The following PCNX1 variants were observed in gnomAD, a reference collection of about 807,000 sequenced individuals.
PCNX1 encodes pecanex 1.
PCNX1 carries 78 observed loss-of-function variants against 242.2 expected under a neutral mutation model. The observed-to-expected ratio is 0.32, with a 90% CI of 0.27 to 0.39. PCNX1 has a LOEUF of 0.39. Among genes scored for constraint, PCNX1 ranks in the 10% least tolerant of loss-of-function variants. The probability of loss-of-function intolerance (pLI) is 1.00; values close to 1 mark genes in which losing one functional copy is unlikely to be tolerated. For synonymous variants in PCNX1, 1,024 were observed against 1,032.9 expected (o/e 0.99, Z 0.17); for missense variants, 2,581 against 2,856.5 (o/e 0.90, Z 2.20).
At chr14:70,986,471 C>T (rs1364415975) in intron 6 of PCNX1, among the ~76,000 whole-genome samples, 1 of 152,068 alleles carries the variant, frequency 6.6e-6, no homozygotes. Flanking sequence ...TCTTAAGAAA[C>T]CAAGAAACAT....
At chr14:70,933,679 G>A (rs552428402) in intron 1 of PCNX1, among the ~76,000 whole-genome samples, 13 of 152,266 alleles carry the variant, frequency 8.5e-5, no homozygotes, top group African/African-American at 3.1e-4. Flanking sequence ...GCTCTCTAAT[G>A]TCTAGTCTTG....
intron 16 of PCNX1, 49 bp from the exon 17 acceptor site, chr14:71,033,380 A>G (rs1178670305): frequency 3.3e-6 from 3 of 902,288 alleles, no homozygotes; most frequent in African/African-American, 3.3e-5. Context: ...ATTATGTGAT[A>G]TATTACAAAT....
At chr14:71,069,845 A>G (rs2061546596) in intron 26 of PCNX1, among the ~76,000 whole-genome samples, 1 of 152,202 alleles carries the variant, frequency 6.6e-6, no homozygotes, top group South Asian at 2.1e-4. Context: ...CAGCTTTGGC[A>G]AGATCTTAAA....
chr14:71,026,623 T>C (rs977428355), intron 14 of PCNX1, 149 bp from the exon 15 acceptor site: 5 of 454,184 alleles, frequency 1.1e-5, no homozygotes, highest in Non-Finnish European at 1.9e-5. Flanking sequence ...CAAGCAATTA[T>C]GTTGAGAGGT....
At chr14:71,077,430 C>T (rs2061745396) in intron 28 of PCNX1, among the ~76,000 whole-genome samples, 1 of 152,180 alleles carries the variant, frequency 6.6e-6, no homozygotes, top group Admixed American at 6.5e-5. Context: ...TCGTCATGGT[C>T]TAGGAGGTGC....
intron 1 of PCNX1, among the ~76,000 whole-genome samples, chr14:70,932,556 G>A (rs889234231): frequency 6.6e-6 from 1 of 151,754 alleles, no homozygotes; most frequent in South Asian, 2.1e-4. Flanking sequence ...ATGTCAAATA[G>A]TGACATGTCT....
chr14:71,089,865 AT>A (rs2062084410), intron 30 of PCNX1, among the ~76,000 whole-genome samples: 2 of 152,238 alleles, frequency 1.3e-5, no homozygotes, highest in Admixed American at 6.5e-5. Flanking sequence ...GACAAGATAT[AT>A]TAAATCTTTA....
chr14:71,016,994 AAAAC>A (rs1207670160), intron 11 of PCNX1, among the ~76,000 whole-genome samples: 1 of 152,194 alleles, frequency 6.6e-6, no homozygotes, highest in Non-Finnish European at 1.5e-5. Context: ...TGATCAGAAA[AAAAC>A]AAAAGAAGAG....
intron 12 of PCNX1, among the ~76,000 whole-genome samples, chr14:71,021,772 A>G (rs375248660): frequency 6.6e-6 from 1 of 151,940 alleles, no homozygotes; most frequent in Admixed American, 6.6e-5. Context: ...TTTGATCATG[A>G]CTTTATACCA....
intron 2 of PCNX1, among the ~76,000 whole-genome samples, chr14:70,947,661 C>G (rs760764781): frequency 1.6e-4 from 24 of 151,992 alleles, no homozygotes; most frequent in Non-Finnish European, 3.2e-4. Context: ...ATTGCGTTGT[C>G]TGTATAAATT....
Position 71,050,634 on chromosome 14 carries a change from A to T in PCNX1, c.4339-18A>T. 1.3e-6 allele frequency: 2 copies of T among 1,538,010 alleles called. No individual in the cohort carries two copies. The highest frequency in any genetic ancestry group is 1.2e-5 in the South Asian group (1 of 80,226). On this transcript the variant is annotated intron_variant, in intron 22 of 35. Transcript: ENST00000304743. ...AGTTTTTTTTTTTTTACTGACAGCC[A>T]TTCTTTTCCTCCTGCAGCTTTGGGA...
At chr14:70,968,071 T>C (rs1363309509) in intron 3 of PCNX1, 127 bp from the exon 4 acceptor site, 2 of 732,240 alleles carry the variant, frequency 2.7e-6, no homozygotes, top group Non-Finnish European at 4.7e-6. Flanking sequence ...TATCTTCTAA[T>C]ATTGATAAAA....
At chr14:70,979,574 CTTTA>C (rs1221458098) in intron 6 of PCNX1, among the ~76,000 whole-genome samples, 1 of 151,982 alleles carries the variant, frequency 6.6e-6, no homozygotes, top group East Asian at 1.9e-4. Flanking sequence ...CCCCTATTCC[CTTTA>C]TTTATGCTTG....
chr14:70,915,408 G>A (rs956663798), intron 1 of PCNX1, among the ~76,000 whole-genome samples: 3 of 152,098 alleles, frequency 2.0e-5, no homozygotes, highest in Non-Finnish European at 4.4e-5. Flanking sequence ...TACAGCCATT[G>A]GTAATTCCAT....
intron 1 of PCNX1, among the ~76,000 whole-genome samples, chr14:70,937,012 C>A (rs1288251506): frequency 6.7e-6 from 1 of 150,196 alleles, no homozygotes; most frequent in Non-Finnish European, 1.5e-5. Flanking sequence ...TGTTTAAGTT[C>A]TTTGTAGATT....
chr14:70,907,676 TG>T lies in PCNX1; in HGVS notation c.-174del. 1 of 720,186 alleles carries T rather than the reference TG, an allele frequency of 1.4e-6. No homozygotes were observed. Among genetic ancestry groups the T allele is most frequent in the Non-Finnish European group, 1.8e-6 (1 of 546,394 alleles). 44.6% of individuals were successfully genotyped at this position (720,186 alleles called of 1,614,324 possible). ...CTCGGGTCTCCTCCTCCTCGTTTGC[TG>T]CCTCCTCCTCCTCCTGCAGCAGCAC... On this transcript the variant is annotated 5_prime_UTR_variant, in exon 1 of 36. It removes the in-frame stop codon of an upstream open reading frame in the 5' UTR. Transcript: ENST00000304743.
intron 33 of PCNX1, among the ~76,000 whole-genome samples, 157 bp downstream of exon 33, chr14:71,105,597 C>T (rs2062591849): frequency 6.6e-6 from 1 of 150,420 alleles, no homozygotes; most frequent in Non-Finnish European, 1.5e-5. Flanking sequence ...GGCTGGAGTG[C>T]AGTGTCACAG....
At chr14:71,011,086 G>C (rs2059808933) in intron 9 of PCNX1, among the ~76,000 whole-genome samples, 1 of 152,118 alleles carries the variant, frequency 6.6e-6, no homozygotes, top group Non-Finnish European at 1.5e-5. Flanking sequence ...ATCCAAACAT[G>C]ACTGAACTGT....
At chr14:71,081,489 G>A (rs146849769) in intron 28 of PCNX1, among the ~76,000 whole-genome samples, 3 of 152,230 alleles carry the variant, frequency 2.0e-5, no homozygotes, top group Admixed American at 6.5e-5. Context: ...CTGTCAGTCC[G>A]TCTGATCCCG....
Sources: allele counts gnomAD v4.1 joint callset (sites outside exome capture counted in the v4.1 genomes callset), GRCh38; gene constraint gnomAD v4.1.1; transcripts MANE v1.5; gene names NCBI Gene and HGNC (gene_info 2026-07-23, HGNC 2026-07-21).